The following HTR2C variants were observed in gnomAD, a reference collection of about 807,000 sequenced individuals.
The protein encoded by HTR2C is 5-hydroxytryptamine (serotonin) receptor 2C, G protein-coupled.
In HTR2C, 5 loss-of-function variants were observed where a neutral mutation model predicts 21.0. The ratio of observed to expected loss-of-function variants is 0.24; its 90% CI spans 0.12 to 0.50. HTR2C has a LOEUF of 0.50. Among genes scored for constraint, HTR2C ranks in the 20% least tolerant of loss-of-function variants. HTR2C has a pLI of 0.98. For synonymous variants in HTR2C, 150 were observed against 145.3 expected (o/e 1.03, Z -0.23); for missense variants, 271 against 371.2 (o/e 0.73, Z 2.22).
chrX:114,630,027 G>A (rs1439422150), intron 2 of HTR2C, among the ~76,000 whole-genome samples: 1 of 110,215 alleles, frequency 9.1e-6, no homozygotes, highest in East Asian at 2.8e-4. Context: ...GATTTTCAGC[G>A]ATAACCAAGA....
intron 4 of HTR2C, among the ~76,000 whole-genome samples, chrX:114,834,904 G>T (rs1198407489): frequency 1.8e-5 from 2 of 108,338 alleles, no homozygotes; most frequent in Non-Finnish European, 3.8e-5. Context: ...AGGACTGGTG[G>T]TGACAAAATC....
intron 2 of HTR2C, among the ~76,000 whole-genome samples, chrX:114,704,684 C>A (rs1385639141): frequency 9.0e-6 from 1 of 111,394 alleles, no homozygotes; most frequent in Admixed American, 9.6e-5. Flanking sequence ...TCCTATTCAA[C>A]ATAGTGTTGG....
chrX:114,639,396 A>G (rs782371045), intron 2 of HTR2C: 23 of 113,395 alleles, frequency 2.0e-4, no homozygotes, highest in African/African-American at 6.8e-4. Context: ...GCCATAGTAT[A>G]AAGAATCCTG....
At chrX:114,839,261 G>C (rs1446230865) in intron 4 of HTR2C, among the ~76,000 whole-genome samples, 1 of 112,256 alleles carries the variant, frequency 8.9e-6, no homozygotes, top group East Asian at 2.8e-4. Flanking sequence ...ATCCAAAACA[G>C]AGATATTGGC....
chrX:114,741,194 C>T (rs1556425265), intron 4 of HTR2C, among the ~76,000 whole-genome samples: 1 of 109,748 alleles, frequency 9.1e-6, no homozygotes, highest in African/African-American at 3.3e-5. Context: ...GGGAAATAGT[C>T]AATTTCAGGA....
At chrX:114,802,075 A>C (rs1405505351) in intron 4 of HTR2C, among the ~76,000 whole-genome samples, 1 of 111,142 alleles carries the variant, frequency 9.0e-6, no homozygotes, top group Non-Finnish European at 1.9e-5. Flanking sequence ...CCCCCACTTC[A>C]AAAAGGTCCA....
chrX:114,645,607 G>T (rs1308285982), intron 2 of HTR2C, among the ~76,000 whole-genome samples: 1 of 111,655 alleles, frequency 9.0e-6, no homozygotes, highest in African/African-American at 3.3e-5. Context: ...GGGGAATCTT[G>T]GATAATTAAT....
chrX:114,713,008 TAATG>T lies in HTR2C; in HGVS notation c.-79-13847_-79-13844del, dbSNP rs782594444. ...AATAAAAACTGGATTGAGTATAAAA[TAATG>T]AAGTCTTCTATCTTTGACAAAACTT... On this transcript the variant is annotated intron_variant, in intron 2 of 5. Transcript: ENST00000276198. 2.8e-4 allele frequency among the ~76,000 whole-genome samples: 31 copies of T among 111,970 alleles called. No homozygotes were observed. The East Asian group carries it at 5.9e-3, about 21-fold the overall frequency.
At chrX:114,623,906 GT>G (rs35930521) in intron 2 of HTR2C, among the ~76,000 whole-genome samples, 1,886 of 69,319 alleles carry the variant, frequency 0.027, 58 homozygotes, top group African/African-American at 0.1. Context: ...TTTTGTTGTT[GT>G]TTTTTTTTTT....
chrX:114,821,557 G>C (rs1385298894), intron 4 of HTR2C, among the ~76,000 whole-genome samples: 1 of 111,416 alleles, frequency 9.0e-6, no homozygotes, highest in Admixed American at 9.6e-5. Context: ...AAATTAGTGA[G>C]TCACAGCGAA....
chrX:114,667,361 T>TA (rs1356337508), intron 2 of HTR2C, among the ~76,000 whole-genome samples: 1 of 111,121 alleles, frequency 9.0e-6, no homozygotes, highest in Non-Finnish European at 1.9e-5. Context: ...TTTCTATAGT[T>TA]ACGTGTTTTT....
chrX:114,797,775 A>C (rs2070307474), intron 4 of HTR2C, among the ~76,000 whole-genome samples: 2 of 112,004 alleles, frequency 1.8e-5, no homozygotes, highest in Non-Finnish European at 3.8e-5. Context: ...TGTTCTCATA[A>C]ATGGAGTACC....
intron 2 of HTR2C, among the ~76,000 whole-genome samples, chrX:114,625,652 C>A (rs1556402678): frequency 8.9e-6 from 1 of 112,022 alleles, no homozygotes; most frequent in Non-Finnish European, 1.9e-5. Context: ...AATCACCCAG[C>A]CTCAGATATT....
At chrX:114,682,763 G>A (rs1423433591) in intron 2 of HTR2C, among the ~76,000 whole-genome samples, 2 of 110,507 alleles carry the variant, frequency 1.8e-5, no homozygotes, top group Non-Finnish European at 3.8e-5. Flanking sequence ...ACCTTTTCTT[G>A]GTGATTCTGA....
At chrX:114,756,125 C>A (rs1194158243) in intron 4 of HTR2C, among the ~76,000 whole-genome samples, 141 of 15,406 alleles carry the variant, frequency 9.2e-3, no homozygotes, top group East Asian at 0.04. Context: ...CCATACAAAA[C>A]AACCCCCCCC....
chrX:114,758,875 T>C (rs1379682620), intron 4 of HTR2C, among the ~76,000 whole-genome samples: 1 of 111,866 alleles, frequency 8.9e-6, no homozygotes, highest in Non-Finnish European at 1.9e-5. Context: ...TTTTGAAATA[T>C]ATCCCCCCAC....
intron 1 of HTR2C, among the ~76,000 whole-genome samples, chrX:114,590,820 T>TGA (rs1311616997): frequency 1.8e-5 from 2 of 111,901 alleles, no homozygotes; most frequent in African/African-American, 3.2e-5. Flanking sequence ...TATACATATA[T>TGA]GAGAGAGAGA....
At chrX:114,877,133 G>T (rs2071145009) in intron 5 of HTR2C, among the ~76,000 whole-genome samples, 1 of 110,746 alleles carries the variant, frequency 9.0e-6, no homozygotes. Context: ...CTCATTATTG[G>T]TATATTCAGA....
intron 2 of HTR2C, among the ~76,000 whole-genome samples, chrX:114,620,699 C>T (rs1328720142): frequency 9.0e-6 from 1 of 111,528 alleles, no homozygotes; most frequent in Non-Finnish European, 1.9e-5. Flanking sequence ...CGGAATTGCA[C>T]TCGGCTATTT....
Sources: allele counts gnomAD v4.1 joint callset (sites outside exome capture counted in the v4.1 genomes callset), GRCh38; gene constraint gnomAD v4.1.1; transcripts MANE v1.5; gene names NCBI Gene and HGNC (gene_info 2026-07-23, HGNC 2026-07-21).